The following GABBR2 variants were observed in gnomAD, a reference collection of about 807,000 sequenced individuals.
GABBR2 encodes G-protein coupled receptor 51.
A neutral mutation model predicts 105.6 loss-of-function variants in GABBR2; 23 were observed. The observed-to-expected ratio is 0.22, with a 90% CI of 0.16 to 0.31. The LOEUF is 0.31. GABBR2 is among the 10% of genes least tolerant of loss of function. The pLI is 1.00. For synonymous variants in GABBR2, 478 were observed against 499.7 expected (o/e 0.96, Z 0.58); for missense variants, 734 against 1,245.5 (o/e 0.59, Z 6.18).
At chr9:98,379,232 C>T (rs1831929123) in intron 11 of GABBR2, among the ~76,000 whole-genome samples, 1 of 152,210 alleles carries the variant, frequency 6.6e-6, no homozygotes, top group African/African-American at 2.4e-5. Context: ...GGTACCTACA[C>T]CAAGCTGGCC....
intron 3 of GABBR2, among the ~76,000 whole-genome samples, chr9:98,529,683 A>G (rs1467089280): frequency 6.6e-6 from 1 of 152,258 alleles, no homozygotes; most frequent in African/African-American, 2.4e-5. Context: ...TTTTATGGTA[A>G]GAAAGTAACT....
At chr9:98,610,417 T>C (rs1829489388) in intron 1 of GABBR2, among the ~76,000 whole-genome samples, 2 of 152,186 alleles carry the variant, frequency 1.3e-5, no homozygotes, top group African/African-American at 4.8e-5. Flanking sequence ...CCTGCAAAAA[T>C]ATGCATCCAT....
intron 6 of GABBR2, among the ~76,000 whole-genome samples, chr9:98,467,638 A>T (rs959067543): frequency 6.6e-6 from 1 of 152,228 alleles, no homozygotes; most frequent in Non-Finnish European, 1.5e-5. Flanking sequence ...TTCATGGGCC[A>T]TTGGCTCTAA....
At chr9:98,524,784 A>T (rs1183846941) in intron 3 of GABBR2, among the ~76,000 whole-genome samples, 1 of 152,048 alleles carries the variant, frequency 6.6e-6, no homozygotes, top group African/African-American at 2.4e-5. Flanking sequence ...TGCCAAAAGC[A>T]CCACTTTTAA....
chr9:98,329,432 CT>C (rs1564019286), intron 13 of GABBR2, among the ~76,000 whole-genome samples: 1 of 152,210 alleles, frequency 6.6e-6, no homozygotes, highest in Admixed American at 6.5e-5. Context: ...CCAGCCCTGC[CT>C]GGGGGCTCCT....
intron 3 of GABBR2, among the ~76,000 whole-genome samples, chr9:98,534,257 G>A (rs1828124151): frequency 6.6e-6 from 1 of 152,224 alleles, no homozygotes; most frequent in South Asian, 2.1e-4. Context: ...CTTGAGAGAG[G>A]TCGCCAGTAC....
chr9:98,450,884 G>T (rs527602330), intron 7 of GABBR2, among the ~76,000 whole-genome samples: 3 of 152,278 alleles, frequency 2.0e-5, no homozygotes, highest in South Asian at 2.1e-4. Flanking sequence ...TTTAGAAGTG[G>T]TTATAAATGA....
chr9:98,594,193 A>T (rs922207639), intron 1 of GABBR2, among the ~76,000 whole-genome samples: 2 of 152,096 alleles, frequency 1.3e-5, no homozygotes, highest in African/African-American at 4.8e-5. Flanking sequence ...TTCCCATCTC[A>T]ACATCCTGCT....
intron 3 of GABBR2, among the ~76,000 whole-genome samples, chr9:98,504,477 A>T (rs182671177): frequency 1.3e-5 from 2 of 152,344 alleles, no homozygotes; most frequent in East Asian, 3.9e-4. Flanking sequence ...AGATCCAGGT[A>T]AAGATGGGGA....
intron 7 of GABBR2, among the ~76,000 whole-genome samples, chr9:98,437,818 ATCCACCCATCTGTATCCATCCGCTG>A (rs1234220423): frequency 2.0e-5 from 3 of 150,682 alleles, no homozygotes; most frequent in African/African-American, 7.4e-5. Flanking sequence ...ACGTCCATCC[ATCCACCCATCTGTATCCATCCGCTG>A]TCCACACATC....
intron 6 of GABBR2, among the ~76,000 whole-genome samples, chr9:98,457,511 A>G (rs998569586): frequency 1.3e-5 from 2 of 152,228 alleles, no homozygotes; most frequent in Admixed American, 1.3e-4. Context: ...AAGTCCCTAT[A>G]TAAACTTTAC....
At chr9:98,409,927 T>A (rs1467466215) in intron 7 of GABBR2, among the ~76,000 whole-genome samples, 1 of 152,200 alleles carries the variant, frequency 6.6e-6, no homozygotes, top group Non-Finnish European at 1.5e-5. Flanking sequence ...TGGGTAACCC[T>A]GTCTCAGACA....
At chr9:98,515,518 G>T (rs1226944935) in intron 3 of GABBR2, among the ~76,000 whole-genome samples, 1 of 152,120 alleles carries the variant, frequency 6.6e-6, no homozygotes, top group Non-Finnish European at 1.5e-5. Context: ...TAAGCCCCTA[G>T]CATTTGCAAA....
intron 1 of GABBR2, among the ~76,000 whole-genome samples, chr9:98,638,747 A>G (rs1177999057): frequency 6.6e-6 from 1 of 152,216 alleles, no homozygotes; most frequent in Non-Finnish European, 1.5e-5. Context: ...CCTGTGATTT[A>G]GCAAAAGACA....
chr9:98,542,203 T>C (rs536863324), intron 2 of GABBR2, among the ~76,000 whole-genome samples, 160 bp from the exon 3 acceptor site: 2 of 152,198 alleles, frequency 1.3e-5, no homozygotes, highest in Admixed American at 6.5e-5. Flanking sequence ...TAACATATCA[T>C]AATGGAAGGG....
chr9:98,649,271 T>C (rs779383952), intron 1 of GABBR2, among the ~76,000 whole-genome samples: 4 of 152,216 alleles, frequency 2.6e-5, no homozygotes, highest in Non-Finnish European at 5.9e-5. Context: ...TAGAGCCTCC[T>C]TTACAGCTCA....
At chr9:98,497,110 A>G (rs1827295708) in intron 3 of GABBR2, among the ~76,000 whole-genome samples, 1 of 152,216 alleles carries the variant, frequency 6.6e-6, no homozygotes, top group African/African-American at 2.4e-5. Context: ...GAAGGATATT[A>G]CAGAATGATA....
At chr9:98,292,221 G>A (rs1213404711) in intron 18 of GABBR2, among the ~76,000 whole-genome samples, 2 of 152,092 alleles carry the variant, frequency 1.3e-5, no homozygotes, top group South Asian at 2.1e-4. Flanking sequence ...GCAAAAAAGC[G>A]AAAAACAAAA....
chr9:98,673,745 T>C (rs1365896434), intron 1 of GABBR2, among the ~76,000 whole-genome samples: 3 of 152,128 alleles, frequency 2.0e-5, no homozygotes, highest in African/African-American at 7.2e-5. Context: ...AAACGGGGCA[T>C]AACAGAGCAT....
Sources: gnomAD v4.1 joint callset for allele counts (sites outside exome capture counted in the v4.1 genomes callset) on GRCh38, gnomAD v4.1.1 for gene constraint, MANE v1.5 for transcripts, NCBI Gene and HGNC (gene_info 2026-07-23, HGNC 2026-07-21) for gene names.